SLC6A15: variants seen among roughly 807,000 people sequenced by gnomAD.
SLC6A15 encodes the protein solute carrier family 6 member 15.
SLC6A15 carries 33 observed loss-of-function variants against 68.5 expected under a neutral mutation model. That is an observed-to-expected ratio of 0.48 (90% CI 0.37 to 0.64). SLC6A15 has a LOEUF of 0.64. Among genes scored for constraint, SLC6A15 ranks in the 30% least tolerant of loss-of-function variants. The pLI, the probability that SLC6A15 is intolerant of heterozygous loss-of-function variation, is 0.00. For missense variants in SLC6A15, 747 were observed against 874.3 expected, an observed-to-expected ratio of 0.85 and a Z score of 1.84; for synonymous variants, 347 against 301.0, an observed-to-expected ratio of 1.15 and a Z score of -1.58.
chr12:84,896,263 C>T (rs1158275851), intron 1 of SLC6A15, among the ~76,000 whole-genome samples: 1 of 151,976 alleles, frequency 6.6e-6, no homozygotes, highest in East Asian at 1.9e-4. Context: ...TGCTCATGGG[C>T]CAAATACAAC....
At chr12:84,895,756 GATTT>G (rs967453882) in intron 1 of SLC6A15, among the ~76,000 whole-genome samples, 2 of 152,142 alleles carry the variant, frequency 1.3e-5, no homozygotes, top group Non-Finnish European at 2.9e-5. Flanking sequence ...TTTCTGAAGA[GATTT>G]ATTAAAACTA....
chr12:84,899,463 AG>A (rs554557005), intron 1 of SLC6A15, among the ~76,000 whole-genome samples: 150 of 152,338 alleles, frequency 9.8e-4, no homozygotes, highest in African/African-American at 3.5e-3. Context: ...CATTATGCCC[AG>A]GCTGTAAATA....
At chr12:84,880,934 T>C (rs1871791680) in intron 5 of SLC6A15, 1 of 960,318 alleles carries the variant, frequency 1.0e-6, no homozygotes, top group South Asian at 4.8e-5. Flanking sequence ...TTTAGCCCTG[T>C]CTATCATGTA....
At chr12:84,879,011 T>G (rs1471867835) in intron 5 of SLC6A15, among the ~76,000 whole-genome samples, 3 of 151,952 alleles carry the variant, frequency 2.0e-5, no homozygotes, top group Admixed American at 1.3e-4. Flanking sequence ...TTAAAAATCC[T>G]CAAAGGTTCC....
intron 9 of SLC6A15, 90 bp downstream of exon 9, chr12:84,870,388 A>G (rs748883157): frequency 3.7e-5 from 30 of 802,462 alleles, no homozygotes; most frequent in Non-Finnish European, 5.4e-5. Flanking sequence ...AACTCAAAAT[A>G]TAAGACTTTC....
At chr12:84,863,739 G>C in intron 10 of SLC6A15, 138 bp from the exon 11 acceptor site, 3 of 524,694 alleles carry the variant, frequency 5.7e-6, no homozygotes, top group Non-Finnish European at 8.9e-6. Flanking sequence ...AGTTCCTCTT[G>C]GAAGATGACT....
At chr12:84,888,162 G>T (rs1194555567) in intron 2 of SLC6A15, among the ~76,000 whole-genome samples, 5 of 150,758 alleles carry the variant, frequency 3.3e-5, no homozygotes, top group Admixed American at 2.0e-4. Flanking sequence ...GAAGGCTGAG[G>T]TGGGAAGACT....
At chr12:84,868,558 G>A (rs1871158810) in intron 9 of SLC6A15, among the ~76,000 whole-genome samples, 1 of 152,136 alleles carries the variant, frequency 6.6e-6, no homozygotes, top group African/African-American at 2.4e-5. Context: ...GACAGTAAGA[G>A]TTTTGCTGGA....
chr12:84,878,632 CTTT>C (rs1189516168), intron 5 of SLC6A15, among the ~76,000 whole-genome samples: 2 of 151,752 alleles, frequency 1.3e-5, no homozygotes, highest in Non-Finnish European at 2.9e-5. Flanking sequence ...ATAAAATATG[CTTT>C]TTAATTTTGT....
intron 2 of SLC6A15, among the ~76,000 whole-genome samples, chr12:84,887,667 C>G (rs1872178413): frequency 6.6e-6 from 1 of 151,982 alleles, no homozygotes; most frequent in Admixed American, 6.6e-5. Context: ...TGCATCAAAT[C>G]TTAGATTATG....
chr12:84,892,250 A>G lies in SLC6A15; in HGVS notation c.-130T>C, dbSNP rs1188141294. 1.2e-6 allele frequency: 1 copy of G among 835,690 alleles called. No individual in the cohort carries two copies. The highest frequency in any genetic ancestry group is 1.8e-6 in the Non-Finnish European group (1 of 554,806). 51.8% of individuals were successfully genotyped at this position (835,690 alleles called of 1,614,324 possible). A position where few individuals can be genotyped will look rare whatever the true frequency, so the allele number is the denominator to read the frequency against. On this transcript the variant is annotated 5_prime_UTR_variant, in exon 2 of 12. Transcript: ENST00000266682. ...GAGGATGATATCAAATAAATCCTTG[A>G]TTCAAGGTGATAAAGCCTTATGGAT...
chr12:84,898,321 C>T (rs1460226377), intron 1 of SLC6A15, among the ~76,000 whole-genome samples: 1 of 152,176 alleles, frequency 6.6e-6, no homozygotes, highest in Non-Finnish European at 1.5e-5. Context: ...GCCTGGGTGA[C>T]AGAGTGAGAT....
intron 1 of SLC6A15, among the ~76,000 whole-genome samples, chr12:84,906,904 A>T (rs1230455250): frequency 6.6e-6 from 1 of 152,154 alleles, no homozygotes; most frequent in East Asian, 1.9e-4. Flanking sequence ...AGGATTCAGA[A>T]ACACAAAAAT....
chr12:84,895,337 G>GTTTTTTTTTTTTTTTTTTTTTTTT (rs1362312029), intron 1 of SLC6A15, among the ~76,000 whole-genome samples: 1 of 65,424 alleles, frequency 1.5e-5, no homozygotes, highest in African/African-American at 6.9e-5. Flanking sequence ...ATTTTTGTTT[G>GTTTTTTTTTTTTTTTTTTTTTTTT]TATTTTTTTT....
intron 1 of SLC6A15, among the ~76,000 whole-genome samples, chr12:84,896,371 T>TA (rs952659076): frequency 0.019 from 2,763 of 144,342 alleles, 35 homozygotes; most frequent in African/African-American, 0.033. Context: ...CTGTATTTTG[T>TA]AAAAAAAAAA....
chr12:84,869,298 A>G (rs1053557695), intron 9 of SLC6A15, among the ~76,000 whole-genome samples: 3 of 151,826 alleles, frequency 2.0e-5, no homozygotes, highest in Admixed American at 6.6e-5. Context: ...TCTCTATTAA[A>G]AAAAATACAA....
rs1265863995 is a variant in SLC6A15, at chr12:84,891,857, T to C, written c.264A>G (p.Pro88=). 2.5e-6 allele frequency: 4 copies of C among 1,613,764 alleles called. No homozygotes were observed. The highest frequency in any genetic ancestry group is 2.2e-5 in the East Asian group (1 of 44,832). The change falls in exon 2 of 12, where the codon CCA becomes CCG. Residue 88 remains proline (P), a synonymous_variant. Coordinates refer to ENST00000266682, the MANE Select transcript of SLC6A15 (RefSeq NM_182767.6). ...CGCCCCCATTCTTCTGACATAGGTA[T>C]GGAAATCGCCACACATTTCCTAAAC... is the stretch of plus-strand genomic sequence containing the variant. ...SVGLGNVWRF[P]YLCQKNGGGA...
At chr12:84,886,620 C>A (rs1412023965) in intron 2 of SLC6A15, among the ~76,000 whole-genome samples, 3 of 150,202 alleles carry the variant, frequency 2.0e-5, no homozygotes, top group South Asian at 4.2e-4. Flanking sequence ...ATAACTTCTA[C>A]CAGAGACAAA....
rs1273160277 is a variant in SLC6A15 at position 84,860,696 on chromosome 12, C to G, written c.*936G>C. On this transcript the variant is annotated 3_prime_UTR_variant, in exon 12 of 12. Coordinates refer to ENST00000266682, the MANE Select transcript of SLC6A15 (RefSeq NM_182767.6). ...TTGTAGATTAAAATGTAATGCATTA[C>G]AATTTTAACAATCACTTAAAAATGA... is the stretch of plus-strand genomic sequence containing the variant. The G allele has an allele frequency of 1.3e-5, 2 of 151,982 alleles. No individual in the cohort carries two copies. The highest frequency in any genetic ancestry group is 4.8e-5 in the African/African-American group (2 of 41,392). 9.4% of individuals were successfully genotyped at this position (151,982 alleles called of 1,614,324 possible).
Sources: gnomAD v4.1 joint callset for allele counts (sites outside exome capture counted in the v4.1 genomes callset) on GRCh38, gnomAD v4.1.1 for gene constraint, MANE v1.5 for transcripts, NCBI Gene and HGNC (gene_info 2026-07-23, HGNC 2026-07-21) for gene names.